Variants in PLEKHA5 observed in about 807,000 individuals in gnomAD.
PLEKHA5 encodes pleckstrin homology domain containing A5, also known as pleckstrin homology domain-containing family A member 5.
In PLEKHA5, 55 loss-of-function variants were observed where a neutral mutation model predicts 181.9. The observed-to-expected ratio is 0.30, with a 90% CI of 0.24 to 0.38. PLEKHA5 has a LOEUF of 0.38. PLEKHA5 is among the 10% of genes least tolerant of loss of function. The probability of loss-of-function intolerance (pLI) is 1.00; values close to 1 mark genes in which losing one functional copy is unlikely to be tolerated. For synonymous variants in PLEKHA5, 535 were observed against 529.4 expected, an observed-to-expected ratio of 1.01 and a Z score of -0.15; for missense variants, 1,432 against 1,549.5, an observed-to-expected ratio of 0.92 and a Z score of 1.27.
chr12:19,317,700 G>A (rs1476358016), intron 16 of PLEKHA5, among the ~76,000 whole-genome samples: 17 of 148,696 alleles, frequency 1.1e-4, no homozygotes, highest in South Asian at 4.3e-4. Flanking sequence ...TTAATGCCAA[G>A]ACAGTTTATA....
At chr12:19,277,727 A>G (rs1345184137) in intron 11 of PLEKHA5, among the ~76,000 whole-genome samples, 1 of 152,210 alleles carries the variant, frequency 6.6e-6, no homozygotes, top group Non-Finnish European at 1.5e-5. Context: ...CAATATATAA[A>G]TCATTTTTTA....
intron 15 of PLEKHA5, among the ~76,000 whole-genome samples, chr12:19,312,459 A>G (rs1192340126): frequency 6.6e-6 from 1 of 152,210 alleles, no homozygotes; most frequent in African/African-American, 2.4e-5. Flanking sequence ...TCTTAGCTAG[A>G]TCTTCTGAAT....
At chr12:19,226,692 G>C (rs949844882) in intron 3 of PLEKHA5, among the ~76,000 whole-genome samples, 4 of 152,130 alleles carry the variant, frequency 2.6e-5, no homozygotes, top group African/African-American at 9.7e-5. Context: ...CTGTGAAACT[G>C]GTCCATTTTT....
chr12:19,254,997 G>A (rs2066468477), intron 4 of PLEKHA5, 48 bp from the exon 5 acceptor site: 1 of 1,519,294 alleles, frequency 6.6e-7, no homozygotes, highest in Non-Finnish European at 8.9e-7. Flanking sequence ...TAATTATAAA[G>A]CGGGTTACAT....
At chr12:19,192,970 T>C (rs1197628060) in intron 3 of PLEKHA5, among the ~76,000 whole-genome samples, 1 of 152,228 alleles carries the variant, frequency 6.6e-6, no homozygotes, top group African/African-American at 2.4e-5. Context: ...ATGTAATGTC[T>C]ATGGCTACTT....
chr12:19,241,241 C>T (rs2152453269), intron 3 of PLEKHA5, among the ~76,000 whole-genome samples: 1 of 152,190 alleles, frequency 6.6e-6, no homozygotes, highest in East Asian at 1.9e-4. Context: ...GATGTGTAAC[C>T]AGATAATTTA....
chr12:19,264,804 A>G (rs147310189), intron 7 of PLEKHA5, among the ~76,000 whole-genome samples: 286 of 152,250 alleles, frequency 1.9e-3, no homozygotes, highest in African/African-American at 5.3e-3. Flanking sequence ...AGTCACACAC[A>G]GCAAACATAA....
At chr12:19,176,323 T>C (rs946335135) in intron 3 of PLEKHA5, 2 of 149,094 alleles carry the variant, frequency 1.3e-5, no homozygotes, top group Non-Finnish European at 1.5e-5. Flanking sequence ...GAGGCTGGAG[T>C]GTAGTGCTGT....
At chr12:19,306,607 C>A in intron 15 of PLEKHA5, 1 of 924,922 alleles carries the variant, frequency 1.1e-6, no homozygotes, top group Non-Finnish European at 1.8e-6. Context: ...GGCCCAGTAG[C>A]GGAGGTGGTG....
At chr12:19,263,876 T>C (rs2069387711) in intron 7 of PLEKHA5, among the ~76,000 whole-genome samples, 1 of 152,146 alleles carries the variant, frequency 6.6e-6, no homozygotes, top group Non-Finnish European at 1.5e-5. Context: ...GCTGACCCCA[T>C]AGAGAGTTCT....
intron 16 of PLEKHA5, among the ~76,000 whole-genome samples, chr12:19,315,764 A>G (rs1426051814): frequency 6.6e-6 from 1 of 152,142 alleles, no homozygotes; most frequent in Non-Finnish European, 1.5e-5. Flanking sequence ...GCACCTAGTA[A>G]AAAGAACGAC....
intron 5 of PLEKHA5, among the ~76,000 whole-genome samples, chr12:19,256,093 A>G (rs1412100382): frequency 6.6e-6 from 1 of 152,144 alleles, no homozygotes; most frequent in Non-Finnish European, 1.5e-5. Flanking sequence ...CTTATGAGCC[A>G]GTTTGGAAAT....
At chr12:19,195,672 C>CAAAAA (rs3056386) in intron 3 of PLEKHA5, among the ~76,000 whole-genome samples, 1 of 81,604 alleles carries the variant, frequency 1.2e-5, no homozygotes, top group Non-Finnish European at 2.4e-5. Flanking sequence ...GACCCTGTCT[C>CAAAAA]AAAAAAAAAA....
chr12:19,224,534 C>A (rs2059420761), intron 3 of PLEKHA5, among the ~76,000 whole-genome samples: 1 of 152,058 alleles, frequency 6.6e-6, no homozygotes, highest in Admixed American at 6.5e-5. Context: ...TTCTTTACAA[C>A]CAAATAGGGC....
chr12:19,163,696 C>A (rs1364627354), intron 3 of PLEKHA5, among the ~76,000 whole-genome samples: 1 of 126,602 alleles, frequency 7.9e-6, no homozygotes, highest in Non-Finnish European at 1.8e-5. Context: ...CTATCTATCT[C>A]TTTCCTGTTC....
At position 19,142,667 on chromosome 12, in the gene PLEKHA5, T is replaced by C. The variant is rs1439237019; in HGVS notation, c.227+10217T>C. Among the ~76,000 whole-genome samples the C allele has an allele frequency of 2.0e-5, 3 of 152,180 alleles. No homozygotes were observed. In the East Asian group the frequency reaches 5.8e-4, roughly 29 times the overall value. On this transcript the variant is annotated intron_variant, in intron 3 of 31. Coordinates refer to ENST00000429027, the MANE Select transcript of PLEKHA5 (RefSeq NM_001256470.2). ...GTAATGAAATCGTTACAGTAGTCAA[T>C]CAAATTCACATATCCACCTATAATC...
At chr12:19,297,673 ATTC>A (rs1053275258) in intron 15 of PLEKHA5, among the ~76,000 whole-genome samples, 3 of 150,492 alleles carry the variant, frequency 2.0e-5, no homozygotes, top group African/African-American at 7.3e-5. Context: ...ATACCTATGT[ATTC>A]TTTTTTGCAT....
chr12:19,193,590 A>G (rs1376377835), intron 3 of PLEKHA5, among the ~76,000 whole-genome samples: 4 of 152,102 alleles, frequency 2.6e-5, no homozygotes, highest in African/African-American at 7.2e-5. Context: ...GTGTGCATCT[A>G]TCACTGGAGC....
chr12:19,323,175 C>T (rs991183935), intron 20 of PLEKHA5, among the ~76,000 whole-genome samples: 1 of 151,922 alleles, frequency 6.6e-6, no homozygotes, highest in Non-Finnish European at 1.5e-5. Flanking sequence ...ACATTTTGTC[C>T]TTTGTGAAAT....
Sources: allele counts gnomAD v4.1 joint callset (sites outside exome capture counted in the v4.1 genomes callset), GRCh38; gene constraint gnomAD v4.1.1; transcripts MANE v1.5; gene names NCBI Gene and HGNC (gene_info 2026-07-23, HGNC 2026-07-21).